The following DNAJC6 variants were observed in gnomAD, a reference collection of about 807,000 sequenced individuals.
The protein encoded by DNAJC6 is DnaJ heat shock protein family (Hsp40) member C6, also known as auxilin.
In DNAJC6, 34 loss-of-function variants were observed where a neutral mutation model predicts 110.0. The ratio of observed to expected loss-of-function variants is 0.31; its 90% CI spans 0.24 to 0.41. The LOEUF is 0.41. Ranked by LOEUF, DNAJC6 falls within the 10% of genes least tolerant of loss-of-function variation. The pLI is 1.00. For synonymous variants in DNAJC6, 406 were observed against 437.2 expected, an observed-to-expected ratio of 0.93 and a Z score of 0.89; for missense variants, 1,031 against 1,207.8, an observed-to-expected ratio of 0.85 and a Z score of 2.17.
intron 1 of DNAJC6, among the ~76,000 whole-genome samples, chr1:65,347,471 A>G (rs1645447737): frequency 6.6e-6 from 1 of 150,396 alleles, no homozygotes; most frequent in Non-Finnish European, 1.5e-5. Context: ...TTTCTTTCTG[A>G]TGCTCTTTAT....
intron 1 of DNAJC6, among the ~76,000 whole-genome samples, chr1:65,297,388 A>G (rs1255592591): frequency 2.0e-5 from 3 of 152,134 alleles, no homozygotes; most frequent in Non-Finnish European, 1.5e-5. Context: ...ATGTGAATCA[A>G]TTTTTTCATT....
At chr1:65,327,005 T>C (rs1051649642) in intron 1 of DNAJC6, among the ~76,000 whole-genome samples, 2 of 152,218 alleles carry the variant, frequency 1.3e-5, no homozygotes, top group African/African-American at 2.4e-5. Context: ...CTCAAGTTGC[T>C]CTTTTACCAG....
chr1:65,291,637 C>T (rs765528687), intron 1 of DNAJC6, among the ~76,000 whole-genome samples: 1 of 152,084 alleles, frequency 6.6e-6, no homozygotes, highest in Non-Finnish European at 1.5e-5. Context: ...CCAGGTTTTA[C>T]TGGGTGTAGA....
In DNAJC6 at chr1:65,303,362, C is replaced by T. The variant is rs183801828; in HGVS notation, c.-131+38430C>T. On this transcript the variant is annotated intron_variant, in intron 1 of 19. Transcript: ENST00000263441. ...GGTCAAATAATAACATTTGTTACAT[C>T]GGTTATAAAAGTTTTTTAACATATT... 2.6e-5 allele frequency among the ~76,000 whole-genome samples: 4 copies of T among 152,206 alleles called. No individual in the cohort carries two copies. The East Asian group carries it at 5.8e-4, about 22-fold the overall frequency.
At chr1:65,306,468 A>G (rs987558587), upstream of DNAJC6, 1 of 152,280 alleles carries the variant, frequency 6.6e-6, no homozygotes, top group Non-Finnish European at 1.5e-5. Context: ...GTGATGTGGC[A>G]TCTGCTGTGA....
At position 65,389,325 on chromosome 1, in the gene DNAJC6, A is replaced by G. The variant is rs1226515511; in HGVS notation, c.1263A>G (p.Glu421=). The G allele has an allele frequency of 6.2e-7, 1 of 1,614,168 alleles. No homozygotes were observed. The highest frequency in any genetic ancestry group is 1.1e-5 in the South Asian group (1 of 91,090). The change falls in exon 10 of 19, where the codon GAA becomes GAG. Residue 421 remains glutamate (E), a synonymous_variant. Transcript: ENST00000371069. ...PQLFQVTLDV[E]LQPHDKVIDL... is the part of the protein sequence containing the mutation. Reference sequence around the variant, plus strand: ...TATTTCAGGTGACACTGGATGTAGAACTACAGCCCCATGACAAAGTAATAG... The same window carrying G: ...TATTTCAGGTGACACTGGATGTAGAGCTACAGCCCCATGACAAAGTAATAG...
rs962652280 is a variant in DNAJC6, at chr1:65,332,422, T to C, written c.193+22484T>C. Among the ~76,000 whole-genome samples the C allele has an allele frequency of 5.3e-5, 8 of 152,274 alleles. No homozygotes were observed. In the South Asian group the frequency reaches 1.5e-3, roughly 28 times the overall value. The stretch of plus-strand genomic sequence containing the variant: ...AGGATGATAGCAAAAGCAAATGCCT[T>C]AAGTGCAGAAATGAAAAAGAGGCAA... On this transcript the variant is annotated intron_variant, in intron 1 of 18. Transcript: ENST00000371069.
chr1:65,389,845 A>C (rs527368079), intron 11 of DNAJC6, among the ~76,000 whole-genome samples: 2 of 152,268 alleles, frequency 1.3e-5, no homozygotes, highest in East Asian at 1.9e-4. Context: ...ACCCTATCTC[A>C]ACAAAAAATT....
intron 16 of DNAJC6, among the ~76,000 whole-genome samples, chr1:65,407,575 C>G (rs1015653441): frequency 6.6e-6 from 1 of 152,156 alleles, no homozygotes; most frequent in East Asian, 1.9e-4. Flanking sequence ...ATTCAGTTGT[C>G]GGGGATATGT....
intron 1 of DNAJC6, among the ~76,000 whole-genome samples, chr1:65,269,138 G>A (rs777249030): frequency 1.3e-5 from 2 of 152,070 alleles, no homozygotes; most frequent in Non-Finnish European, 2.9e-5. Flanking sequence ...GGAGGCTGAG[G>A]TGGCAGATCA....
chr1:65,331,650 A>G (rs1010900581), intron 1 of DNAJC6, among the ~76,000 whole-genome samples: 2 of 152,174 alleles, frequency 1.3e-5, no homozygotes, highest in African/African-American at 2.4e-5. Context: ...GTTCCTCATA[A>G]TAACCAGACA....
rs1286749624 is a variant in DNAJC6, at chr1:65,361,617, GT to G, written c.194-3017del. 5.9e-5 allele frequency among the ~76,000 whole-genome samples: 9 copies of G among 152,196 alleles called. 1 individual carries two copies. The highest frequency in any genetic ancestry group is 2.9e-5 in the Non-Finnish European group (2 of 68,036). ...GAGATACTTATTTATACTTGACAAA[GT>G]GGTAAAAATGTAAAAGTCTGACAAT... On this transcript the variant is annotated intron_variant, in intron 1 of 18. Transcript: ENST00000371069.
At chr1:65,373,266 A>G (rs1645725356) in intron 4 of DNAJC6, among the ~76,000 whole-genome samples, 1 of 152,186 alleles carries the variant, frequency 6.6e-6, no homozygotes, top group Non-Finnish European at 1.5e-5. Flanking sequence ...TGCAATAAAC[A>G]TGGGAGTGCA....
Position 65,364,615 on chromosome 1 carries a change from T to TG in DNAJC6, c.194-20_194-19insG, listed in dbSNP as rs111346712. 0.13 allele frequency: 86,692 copies of TG among 673,802 alleles called. 339 individuals carry two copies. The highest frequency in any genetic ancestry group is 0.17 in the African/African-American group (5,727 of 34,094). 41.7% of individuals were successfully genotyped at this position (673,802 alleles called of 1,614,324 possible). A position where few individuals can be genotyped will look rare whatever the true frequency, so the allele number is the denominator to read the frequency against. On this transcript the variant is annotated intron_variant, in intron 1 of 18. Transcript: ENST00000371069. ...TGCCATCACCATTTTTGTTTGTTTG[T>TG]TTTTTTTTTTTTTTGGCAGGTGCCT... is the stretch of plus-strand genomic sequence containing the variant.
At chr1:65,265,842 C>CGTCCGGGCGGAGGACGCCGT (rs1353976884) in intron 1 of DNAJC6, among the ~76,000 whole-genome samples, 15 of 151,990 alleles carry the variant, frequency 9.9e-5, no homozygotes, top group Non-Finnish European at 1.6e-4. Context: ...GTCGCGTGCC[C>CGTCCGGGCGGAGGACGCCGT]GTCCGGGCGG....
intron 14 of DNAJC6, among the ~76,000 whole-genome samples, 176 bp from the exon 15 acceptor site, chr1:65,401,585 G>T (rs1234933903): frequency 2.0e-5 from 3 of 152,194 alleles, no homozygotes; most frequent in Non-Finnish European, 4.4e-5. Flanking sequence ...GTCTGTCCTT[G>T]TTCAAGGCCA....
chr1:65,304,645 G>A (rs1406573996), upstream of DNAJC6, among the ~76,000 whole-genome samples: 1 of 152,202 alleles, frequency 6.6e-6, no homozygotes, highest in Non-Finnish European at 1.5e-5. Context: ...AGCAGAGTCA[G>A]GAGAGGATTC....
chr1:65,268,508 T>G (rs1653408158), intron 1 of DNAJC6, among the ~76,000 whole-genome samples: 1 of 152,218 alleles, frequency 6.6e-6, no homozygotes, highest in Non-Finnish European at 1.5e-5. Flanking sequence ...CTTTACATAT[T>G]GTCACAACAC....
intron 1 of DNAJC6, chr1:65,345,756 C>A: frequency 1.2e-6 from 1 of 851,740 alleles, no homozygotes; most frequent in Non-Finnish European, 1.4e-6. Flanking sequence ...TGGGATTTAG[C>A]CCATGTCTTC....
Sources: gnomAD v4.1 joint callset for allele counts (sites outside exome capture counted in the v4.1 genomes callset) on GRCh38, gnomAD v4.1.1 for gene constraint, MANE v1.5 for transcripts, NCBI Gene and HGNC (gene_info 2026-07-23, HGNC 2026-07-21) for gene names.